L3MBTL4: variants seen among roughly 807,000 people sequenced by gnomAD.
The protein encoded by L3MBTL4 is L3MBTL histone methyl-lysine binding protein 4.
L3MBTL4 carries 70 observed loss-of-function variants against 84.5 expected under a neutral mutation model. The ratio of observed to expected loss-of-function variants is 0.83; its 90% confidence interval spans 0.68 to 1.01. The LOEUF is 1.01. Among genes scored for constraint, L3MBTL4 ranks in the 50% least tolerant of loss-of-function variants. The pLI, the probability that L3MBTL4 is intolerant of heterozygous loss-of-function variation, is 0.00. For synonymous variants in L3MBTL4, 274 were observed against 259.8 expected, an observed-to-expected ratio of 1.05 and a Z score of -0.52; for missense variants, 715 against 754.8, an observed-to-expected ratio of 0.95 and a Z score of 0.62.
chr18:6,121,716 G>T (rs910600969), intron 14 of L3MBTL4, among the ~76,000 whole-genome samples: 1 of 136,260 alleles, frequency 7.3e-6, no homozygotes, highest in Non-Finnish European at 1.5e-5. Context: ...GTGTGTGTGT[G>T]TGTATGTGTG....
intron 14 of L3MBTL4, among the ~76,000 whole-genome samples, chr18:6,118,993 C>CTTTTTTTTTTT (rs779523685): frequency 7.2e-5 from 6 of 83,712 alleles, no homozygotes; most frequent in Non-Finnish European, 9.1e-5. Flanking sequence ...TTTTTGGTTT[C>CTTTTTTTTTTT]TTTTTTTTTT....
chr18:6,294,630 A>G (rs183779658), intron 4 of L3MBTL4, among the ~76,000 whole-genome samples: 1 of 152,208 alleles, frequency 6.6e-6, no homozygotes, highest in Non-Finnish European at 1.5e-5. Flanking sequence ...ACGTAAGTGC[A>G]CTGCCTACAG....
intron 10 of L3MBTL4, among the ~76,000 whole-genome samples, chr18:6,216,356 A>T (rs540122246): frequency 6.6e-6 from 1 of 151,846 alleles, no homozygotes; most frequent in South Asian, 2.1e-4. Context: ...GATATAAAGA[A>T]CTCTATTTCA....
At chr18:6,095,797 A>G (rs1044652559) in intron 14 of L3MBTL4, among the ~76,000 whole-genome samples, 19 of 152,224 alleles carry the variant, frequency 1.2e-4, no homozygotes, top group African/African-American at 4.6e-4. Flanking sequence ...GCAGGCCAGC[A>G]TACGCTTGAG....
intron 13 of L3MBTL4, among the ~76,000 whole-genome samples, chr18:6,162,771 G>A (rs111539130): frequency 1.5e-3 from 231 of 152,284 alleles, no homozygotes; most frequent in African/African-American, 4.9e-3. Context: ...ACAACTGAGC[G>A]GTGTGATTTT....
chr18:6,094,145 T>A (rs2058552878), intron 14 of L3MBTL4, among the ~76,000 whole-genome samples: 1 of 152,202 alleles, frequency 6.6e-6, no homozygotes, highest in Non-Finnish European at 1.5e-5. Flanking sequence ...TCCTGGATGT[T>A]ATCAGAACCC....
chr18:6,010,925 C>A (rs920247664), intron 16 of L3MBTL4, among the ~76,000 whole-genome samples: 1 of 152,158 alleles, frequency 6.6e-6, no homozygotes, highest in Non-Finnish European at 1.5e-5. Flanking sequence ...TTTAGAATCA[C>A]CCTTCACTTG....
chr18:5,964,556 G>T (rs1422141093), intron 17 of L3MBTL4, among the ~76,000 whole-genome samples: 3 of 151,692 alleles, frequency 2.0e-5, no homozygotes, highest in African/African-American at 7.3e-5. Flanking sequence ...CTCTGCTTAT[G>T]AGCAATACCC....
At chr18:6,228,787 G>A (rs1051911898) in intron 10 of L3MBTL4, among the ~76,000 whole-genome samples, 1 of 152,098 alleles carries the variant, frequency 6.6e-6, no homozygotes, top group African/African-American at 2.4e-5. Flanking sequence ...GTGCCTCCAG[G>A]AGCAGGGCAC....
intron 12 of L3MBTL4, among the ~76,000 whole-genome samples, chr18:6,184,040 A>G (rs183665867): frequency 6.6e-6 from 1 of 152,366 alleles, no homozygotes; most frequent in African/African-American, 2.4e-5. Flanking sequence ...ATGTAATTAC[A>G]TAATATCTAC....
chr18:6,259,968 G>C (rs906665808), intron 5 of L3MBTL4: 3 of 152,146 alleles, frequency 2.0e-5, no homozygotes, highest in African/African-American at 7.2e-5. Flanking sequence ...TTTTGTATAT[G>C]GTGAAAGGTA....
chr18:6,303,333 C>G lies in L3MBTL4; in HGVS notation c.73-1376G>C, dbSNP rs142693595. ...ATGGGGTTTCACTATATTGGCCAGGCTGGTCTCAAACTCCTGACCTCAAGT... is the reference window on the plus strand; with the variant it reads ...ATGGGGTTTCACTATATTGGCCAGGGTGGTCTCAAACTCCTGACCTCAAGT... On this transcript the variant is annotated intron_variant, in intron 3 of 18. Transcript: ENST00000317931. Among the ~76,000 whole-genome samples the G allele has an allele frequency of 3.0e-3, 455 of 152,176 alleles. 5 individuals carry two copies. The highest frequency in any genetic ancestry group is 0.011 in the African/African-American group (438 of 41,550).
intron 1 of L3MBTL4, among the ~76,000 whole-genome samples, chr18:6,342,447 G>A (rs953299251): frequency 2.6e-5 from 4 of 152,098 alleles, no homozygotes; most frequent in Non-Finnish European, 5.9e-5. Context: ...AAAATTTTGT[G>A]GGGTGAAGTA....
chr18:6,272,130 G>C (rs1489540645), intron 4 of L3MBTL4, among the ~76,000 whole-genome samples: 3 of 152,142 alleles, frequency 2.0e-5, no homozygotes, highest in Admixed American at 2.0e-4. Context: ...TGCACCCAGA[G>C]AGAGAGGAAA....
chr18:6,230,988 T>C (rs2046977398), intron 10 of L3MBTL4, among the ~76,000 whole-genome samples: 3 of 152,152 alleles, frequency 2.0e-5, no homozygotes, highest in Admixed American at 2.0e-4. Context: ...TAGACTTTTG[T>C]CAATGCATAG....
Position 6,304,942 on chromosome 18 carries a change from T to A in L3MBTL4, c.73-2985A>T, listed in dbSNP as rs1293541289. ...TATGCTATCTGTCGCTCAGTGAGTG[T>A]TTGGTTCACACTTCTGTATTTGCTA... On this transcript the variant is annotated intron_variant, in intron 3 of 18. Coordinates refer to ENST00000317931, the MANE Select transcript of L3MBTL4 (RefSeq NM_001330559.2). Among the ~76,000 whole-genome samples, 5 of 152,176 alleles carry A rather than the reference T, an allele frequency of 3.3e-5. No individual in the cohort carries two copies. The South Asian group carries it at 1.0e-3, about 32-fold the overall frequency.
At chr18:6,172,115 C>T (rs2044003120) in intron 12 of L3MBTL4, among the ~76,000 whole-genome samples, 173 bp from the exon 13 acceptor site, 3 of 152,156 alleles carry the variant, frequency 2.0e-5, no homozygotes, top group Admixed American at 2.0e-4. Flanking sequence ...ATCCAGCCAA[C>T]AAAGGCAATT....
Position 6,349,627 on chromosome 18 carries a change from G to A in L3MBTL4, c.-90-37571C>T, listed in dbSNP as rs2053083762. Among the ~76,000 whole-genome samples the A allele has an allele frequency of 2.0e-5, 3 of 152,250 alleles. No individual in the cohort carries two copies. The South Asian group carries it at 6.2e-4, about 32-fold the overall frequency. ...CCTAGCTACTTGGGAGGCTGAGGCA[G>A]GAGAATCACTTGAGCTCAGGGGATT... On this transcript the variant is annotated intron_variant, in intron 1 of 18. Coordinates refer to ENST00000317931, the MANE Select transcript of L3MBTL4 (RefSeq NM_001330559.2).
chr18:6,283,562 TA>T (rs1245880330), intron 4 of L3MBTL4, among the ~76,000 whole-genome samples: 1 of 151,332 alleles, frequency 6.6e-6, no homozygotes, highest in Non-Finnish European at 1.5e-5. Flanking sequence ...CTAAGCAAAA[TA>T]TGAGCATCTA....
Sources: gnomAD v4.1 joint callset for allele counts (sites outside exome capture counted in the v4.1 genomes callset) on GRCh38, gnomAD v4.1.1 for gene constraint, MANE v1.5 for transcripts, NCBI Gene and HGNC (gene_info 2026-07-23, HGNC 2026-07-21) for gene names.